TCF7: variants seen among roughly 807,000 people sequenced by gnomAD.
The protein encoded by TCF7 is T-cell-factor-7.
In TCF7, 19 loss-of-function variants were observed where a neutral mutation model predicts 46.8. That is an observed-to-expected ratio of 0.41 (90% CI 0.28 to 0.60). The LOEUF (loss-of-function observed/expected upper bound fraction) is 0.60, where lower values mean the gene tolerates loss of function less well. Among genes scored for constraint, TCF7 ranks in the 20% least tolerant of loss-of-function variants. TCF7 has a pLI of 0.35. For missense variants in TCF7, 547 were observed against 504.6 expected, an observed-to-expected ratio of 1.08 and a Z score of -0.81; for synonymous variants, 245 against 213.4, an observed-to-expected ratio of 1.15 and a Z score of -1.29.
At chr5:134,138,256 T>C in intron 4 of TCF7, 92 bp downstream of exon 4, 1 of 1,167,596 alleles carries the variant, frequency 8.6e-7, no homozygotes, top group Non-Finnish European at 1.3e-6. Context: ...GTCCATTTTA[T>C]AACTGGAGAA....
rs1357685788 is a variant in TCF7, at chr5:134,146,225, AG to A, written c.1079del (p.Gly360GlufsTer22). ...GATAACTCTCTTCACTATTCCTAGG[AG>A]GAAAAAGAAATGCATTCGGTACTTA... is the stretch of plus-strand genomic sequence containing the variant. ...REKHQESTTG[G>X]KRNAFGTYPE... On this transcript the variant is annotated frameshift_variant and splice_region_variant, in exon 10 of 10. Coordinates refer to ENST00000342854, the MANE Select transcript of TCF7 (RefSeq NM_003202.5). LOFTEE classifies it high-confidence loss of function. The A allele has an allele frequency of 4.3e-6, 7 of 1,614,034 alleles. No individual in the cohort carries two copies. The highest frequency in any genetic ancestry group is 5.9e-6 in the Non-Finnish European group (7 of 1,180,020).
At chr5:134,109,352 G>C in the TCF7 span, among the ~76,000 whole-genome samples, 1 of 152,202 alleles carries the variant, frequency 6.6e-6, no homozygotes, top group South Asian at 2.1e-4. Context: ...CCTCTGTGAA[G>C]CTGCAGGTGA....
the TCF7 span, among the ~76,000 whole-genome samples, chr5:134,108,601 C>A: frequency 6.6e-6 from 1 of 152,244 alleles, no homozygotes; most frequent in Admixed American, 6.5e-5. Flanking sequence ...GTCTTGAAGC[C>A]CCATGCAAGG....
At chr5:134,115,476 G>C in intron 2 of TCF7, 89 bp downstream of exon 2, 4 of 1,516,806 alleles carry the variant, frequency 2.6e-6, no homozygotes, top group Non-Finnish European at 3.6e-6. Context: ...GGGGAGCCGG[G>C]TGCCTCCCCC....
intron 2 of TCF7, 127 bp downstream of exon 2, chr5:134,115,514 A>G (rs954420187): frequency 3.4e-6 from 5 of 1,456,686 alleles, no homozygotes; most frequent in Non-Finnish European, 4.5e-6. Context: ...GGCAGAACCC[A>G]GGGGTGGAGA....
intron 3 of TCF7, among the ~76,000 whole-genome samples, chr5:134,134,037 C>T (rs999941954): frequency 1.8e-4 from 27 of 152,348 alleles, no homozygotes; most frequent in African/African-American, 6.3e-4. Flanking sequence ...CAGCTCTGGC[C>T]TCCCCACTCC....
chr5:134,144,830 T>A, intron 9 of TCF7: 5 of 1,614,164 alleles, frequency 3.1e-6, no homozygotes, highest in Non-Finnish European at 3.4e-6. Flanking sequence ...CGTGCTCGCT[T>A]TGGCCTCAAC....
chr5:134,140,315 T>TA (rs1485933342), intron 5 of TCF7, among the ~76,000 whole-genome samples: 1 of 152,124 alleles, frequency 6.6e-6, no homozygotes, highest in African/African-American at 2.4e-5. Flanking sequence ...ACCAGACAGT[T>TA]ACAGGGCACT....
Position 134,146,759 on chromosome 5 carries a change from T to C in TCF7, c.*456T>C, listed in dbSNP as rs905626087. Reference sequence around the variant, plus strand: ...TAATTAAGGGAATCCCTTGTACCTATGGCTGCCTGCATCTATTCTTTGTAC... The same window carrying C: ...TAATTAAGGGAATCCCTTGTACCTACGGCTGCCTGCATCTATTCTTTGTAC... On this transcript the variant is annotated 3_prime_UTR_variant, in exon 10 of 10. Transcript: ENST00000342854. The C allele has an allele frequency of 3.6e-6, 2 of 551,704 alleles. No individual in the cohort carries two copies. Among genetic ancestry groups the C allele is most frequent in the Non-Finnish European group, 6.4e-6 (2 of 314,762 alleles). 34.2% of individuals were successfully genotyped at this position (551,704 alleles called of 1,614,324 possible).
At chr5:134,139,175 C>A (rs1354397330) in intron 5 of TCF7, 137 bp downstream of exon 5, 13 of 1,356,406 alleles carry the variant, frequency 9.6e-6, no homozygotes, top group Non-Finnish European at 1.3e-5. Flanking sequence ...GGCTGGCCAG[C>A]AACTCTGTCC....
chr5:134,131,907 G>A (rs982613891), intron 3 of TCF7, among the ~76,000 whole-genome samples: 13 of 152,246 alleles, frequency 8.5e-5, no homozygotes, highest in African/African-American at 2.9e-4. Context: ...GGTGAGCAGG[G>A]GACATGGCTG....
At chr5:134,139,188 AC>A (rs1200056433) in intron 5 of TCF7, 150 bp downstream of exon 5, 25 of 1,272,458 alleles carry the variant, frequency 2.0e-5, no homozygotes, top group Admixed American at 2.6e-5. Context: ...CTCTGTCCTA[AC>A]CTGGCTCTGA....
rs116236240 is a variant in TCF7 at position 134,144,897 on chromosome 5, C to G, written c.1075+1257C>G. ...GGGTTTGTCCCCACCATCGTTCTCC[C>G]TTTGCTTTAAGCTGCTTCCCTGACT... On this transcript the variant is annotated intron_variant, in intron 9 of 9. Coordinates refer to ENST00000342854, the MANE Select transcript of TCF7 (RefSeq NM_003202.5). 5,082 of 1,605,154 alleles carry G rather than the reference C, an allele frequency of 3.2e-3. 149 individuals carry two copies. In the African/African-American group the frequency reaches 0.058, roughly 18 times the overall value.
At chr5:134,136,733 A>T (rs1027497827) in intron 3 of TCF7, among the ~76,000 whole-genome samples, 1 of 152,194 alleles carries the variant, frequency 6.6e-6, no homozygotes, top group African/African-American at 2.4e-5. Flanking sequence ...CATGAACCCT[A>T]TTCACTACTA....
At chr5:134,141,502 C>CAT (rs1357223796) in intron 5 of TCF7, 1 of 152,384 alleles carries the variant, frequency 6.6e-6, no homozygotes, top group African/African-American at 2.4e-5. Context: ...GCACCGGCAG[C>CAT]TTAATGGGCC....
At position 134,142,307 on chromosome 5, in the gene TCF7, G is replaced by A. The variant is rs757076398; in HGVS notation, c.755+3G>A. The A allele has an allele frequency of 7.0e-6, 11 of 1,576,222 alleles. No individual in the cohort carries two copies. The highest frequency in any genetic ancestry group is 8.7e-6 in the Non-Finnish European group (10 of 1,155,664). On this transcript the variant is annotated splice_donor_region_variant and intron_variant, in intron 6 of 9. Coordinates refer to ENST00000342854, the MANE Select transcript of TCF7 (RefSeq NM_003202.5). Reference sequence around the variant, plus strand: ...CTGCAGCCCTTCGACCGCAACCTGTGAGTGAAAAGACAATGATGGCAGGGG... The same window carrying A: ...CTGCAGCCCTTCGACCGCAACCTGTAAGTGAAAAGACAATGATGGCAGGGG...
intron 3 of TCF7, among the ~76,000 whole-genome samples, chr5:134,119,019 G>A (rs2149276633): frequency 6.6e-6 from 1 of 152,282 alleles, no homozygotes; most frequent in South Asian, 2.1e-4. Flanking sequence ...TCTCTGCTCT[G>A]CTCTGAGACC....
chr5:134,125,722 G>A (rs544302138), intron 3 of TCF7, among the ~76,000 whole-genome samples: 1 of 152,388 alleles, frequency 6.6e-6, no homozygotes, highest in African/African-American at 2.4e-5. Context: ...GAGGGTGCTA[G>A]TCTGGTGTTT....
intron 9 of TCF7, 136 bp from the exon 10 acceptor site, chr5:134,146,088 A>G: frequency 6.3e-6 from 10 of 1,595,870 alleles, no homozygotes; most frequent in Middle Eastern, 1.7e-4. Context: ...GTCTGAGGAC[A>G]CTGACTTACC....
Sources: gnomAD v4.1 joint callset for allele counts (sites outside exome capture counted in the v4.1 genomes callset) on GRCh38, gnomAD v4.1.1 for gene constraint, MANE v1.5 for transcripts, NCBI Gene and HGNC (gene_info 2026-07-23, HGNC 2026-07-21) for gene names.